The following ATAD1 variants were observed in gnomAD, a reference collection of about 807,000 sequenced individuals.
ATAD1 encodes the protein outer mitochondrial transmembrane helix translocase.
ATAD1 carries 18 observed loss-of-function variants against 42.7 expected under a neutral mutation model. That is an observed-to-expected ratio of 0.42 (90% confidence interval 0.29 to 0.63). ATAD1 has a LOEUF of 0.63. Among genes scored for constraint, ATAD1 ranks in the 20% least tolerant of loss-of-function variants. ATAD1 has a pLI of 0.19. For synonymous variants in ATAD1, 132 were observed against 143.1 expected (o/e 0.92, Z 0.55); for missense variants, 294 against 440.4 (o/e 0.67, Z 2.98).
intron 5 of ATAD1, among the ~76,000 whole-genome samples, chr10:87,781,442 A>C (rs1035687254): frequency 2.0e-5 from 3 of 152,234 alleles, no homozygotes; most frequent in African/African-American, 7.2e-5. Flanking sequence ...TAATCTACTC[A>C]AAAATTGAAT....
chr10:87,834,099 G>C (rs1350425373), intron 1 of ATAD1, among the ~76,000 whole-genome samples: 1 of 152,100 alleles, frequency 6.6e-6, no homozygotes, highest in Non-Finnish European at 1.5e-5. Flanking sequence ...TACATTGATT[G>C]ATCTTTTGAA....
At chr10:87,783,558 A>C (rs1435491670) in intron 5 of ATAD1, among the ~76,000 whole-genome samples, 3 of 151,874 alleles carry the variant, frequency 2.0e-5, no homozygotes, top group Non-Finnish European at 4.4e-5. Context: ...CTATCATACT[A>C]AATTTAACAA....
rs1456030088 is a variant in ATAD1 at position 87,792,649 on chromosome 10, A to G, written c.261+8T>C. The G allele has an allele frequency of 6.3e-7, 1 of 1,584,492 alleles. No homozygotes were observed. Among genetic ancestry groups the G allele is most frequent in the Non-Finnish European group, 8.7e-7 (1 of 1,153,958 alleles). On this transcript the variant is annotated splice_region_variant and intron_variant, in intron 3 of 9. Transcript: ENST00000680024. ...AAAAAAATCTTAAATAAGATTAAAGATACATACATGCATATTAAGAGGGTC... is the reference window on the plus strand; with the variant it reads ...AAAAAAATCTTAAATAAGATTAAAGGTACATACATGCATATTAAGAGGGTC...
At chr10:87,840,816 A>G (rs1349963031) in intron 1 of ATAD1, among the ~76,000 whole-genome samples, 4 of 152,228 alleles carry the variant, frequency 2.6e-5, no homozygotes, top group Non-Finnish European at 5.9e-5. Flanking sequence ...GTCCCATACC[A>G]AAGCGTAGAA....
intron 1 of ATAD1, among the ~76,000 whole-genome samples, chr10:87,817,338 A>C (rs561858393): frequency 1.3e-5 from 2 of 152,364 alleles, no homozygotes; most frequent in African/African-American, 4.8e-5. Context: ...AGGTTCAACA[A>C]AATGAATACA....
At chr10:87,785,751 C>A (rs914131290) in intron 4 of ATAD1, among the ~76,000 whole-genome samples, 1 of 151,460 alleles carries the variant, frequency 6.6e-6, no homozygotes, top group African/African-American at 2.4e-5. Context: ...GAAATCTGCA[C>A]CTGATTCCAT....
At chr10:87,807,031 G>A (rs576819695) in intron 2 of ATAD1, among the ~76,000 whole-genome samples, 35 of 152,184 alleles carry the variant, frequency 2.3e-4, no homozygotes, top group Non-Finnish European at 4.3e-4. Context: ...ATACACTCAA[G>A]TTCTAACCAA....
At chr10:87,809,928 A>C (rs1020325901) in intron 2 of ATAD1, among the ~76,000 whole-genome samples, 1 of 152,052 alleles carries the variant, frequency 6.6e-6, no homozygotes, top group African/African-American at 2.4e-5. Context: ...TTACAGGTGT[A>C]AGCCACCGTG....
intron 8 of ATAD1, among the ~76,000 whole-genome samples, chr10:87,766,692 T>A (rs1291864848): frequency 2.6e-5 from 4 of 151,964 alleles, no homozygotes; most frequent in African/African-American, 9.7e-5. Context: ...ACGCCTGTAA[T>A]CCCAGCTACT....
intron 7 of ATAD1, among the ~76,000 whole-genome samples, chr10:87,769,245 A>C (rs945240218): frequency 2.2e-4 from 33 of 152,192 alleles, no homozygotes; most frequent in African/African-American, 5.3e-4. Flanking sequence ...TATAAAGTTC[A>C]CCTAAACCCA....
chr10:87,790,214 G>A, intron 4 of ATAD1, 96 bp downstream of exon 4: 1 of 1,416,026 alleles, frequency 7.1e-7, no homozygotes, highest in South Asian at 1.3e-5. Flanking sequence ...ATCCTCTTGA[G>A]AATCTGATTT....
intron 8 of ATAD1, among the ~76,000 whole-genome samples, chr10:87,760,425 C>G (rs1352163883): frequency 6.6e-6 from 1 of 152,184 alleles, no homozygotes; most frequent in East Asian, 1.9e-4. Context: ...TCGCCTTTGA[C>G]CATGATTGTT....
intron 2 of ATAD1, among the ~76,000 whole-genome samples, chr10:87,796,668 A>G (rs141351711): frequency 1.2e-4 from 19 of 152,308 alleles, no homozygotes; most frequent in Non-Finnish European, 1.9e-4. Context: ...AAATTAACTG[A>G]GACCTGTCTC....
At chr10:87,757,908 T>C (rs1854297122) in intron 8 of ATAD1, among the ~76,000 whole-genome samples, 1 of 152,210 alleles carries the variant, frequency 6.6e-6, no homozygotes, top group Non-Finnish European at 1.5e-5. Flanking sequence ...TGACCTCACA[T>C]GACAGTGCTC....
At chr10:87,800,588 C>T (rs1315020374) in intron 2 of ATAD1, among the ~76,000 whole-genome samples, 1 of 151,488 alleles carries the variant, frequency 6.6e-6, no homozygotes, top group Non-Finnish European at 1.5e-5. Context: ...GTTTGGTTTG[C>T]TTGGGGAAAA....
At chr10:87,766,153 T>G (rs1854737030) in intron 8 of ATAD1, among the ~76,000 whole-genome samples, 2 of 152,218 alleles carry the variant, frequency 1.3e-5, no homozygotes, top group African/African-American at 4.8e-5. Context: ...GAGGCACTCT[T>G]TATCACAGGA....
intron 8 of ATAD1, among the ~76,000 whole-genome samples, chr10:87,764,528 A>G (rs1171326005): frequency 6.6e-6 from 1 of 152,202 alleles, no homozygotes; most frequent in East Asian, 1.9e-4. Context: ...ACAAAACCAA[A>G]GTTGGATTCA....
intron 2 of ATAD1, among the ~76,000 whole-genome samples, chr10:87,798,166 A>C (rs1488010568): frequency 6.6e-6 from 1 of 152,214 alleles, no homozygotes; most frequent in Non-Finnish European, 1.5e-5. Flanking sequence ...AAACCAAGAC[A>C]TGTAAGAGGG....
At chr10:87,768,175 T>C (rs1050096090) in intron 7 of ATAD1, among the ~76,000 whole-genome samples, 2 of 152,204 alleles carry the variant, frequency 1.3e-5, no homozygotes, top group African/African-American at 4.8e-5. Flanking sequence ...TTTATATTAG[T>C]GAATTTTAAT....
Sources: allele counts gnomAD v4.1 joint callset (sites outside exome capture counted in the v4.1 genomes callset), GRCh38; gene constraint gnomAD v4.1.1; transcripts MANE v1.5; gene names NCBI Gene and HGNC (gene_info 2026-07-23, HGNC 2026-07-21).